The following NDUFB6 variants were observed in gnomAD, a reference collection of about 807,000 sequenced individuals.
NDUFB6 encodes NADH dehydrogenase [ubiquinone] 1 beta subcomplex subunit 6.
A neutral mutation model predicts 17.5 loss-of-function variants in NDUFB6; 23 were observed. That is an observed-to-expected ratio of 1.31 (90% CI 0.94 to 1.86). The LOEUF (loss-of-function observed/expected upper bound fraction) is 1.86, where lower values mean the gene tolerates loss of function less well. Ranked by LOEUF, NDUFB6 falls within the 40% of genes most tolerant of loss-of-function variation. The probability of loss-of-function intolerance (pLI) is 0.00; values close to 1 mark genes in which losing one functional copy is unlikely to be tolerated. For synonymous variants in NDUFB6, 60 were observed against 53.5 expected (o/e 1.12, Z -0.53); for missense variants, 167 against 153.8 (o/e 1.09, Z -0.46).
chr9:32,562,905 G>A (rs751498162), intron 2 of NDUFB6, among the ~76,000 whole-genome samples: 2 of 152,156 alleles, frequency 1.3e-5, no homozygotes, highest in Non-Finnish European at 2.9e-5. Flanking sequence ...ATGCAATTAT[G>A]CCTATTAATG....
At position 32,553,148 on chromosome 9, in the gene NDUFB6, G is replaced by A; in HGVS notation, c.*728C>T. The A allele has an allele frequency of 4.9e-6, 2 of 405,940 alleles. No individual in the cohort carries two copies. The highest frequency in any genetic ancestry group is 5.1e-5 in the South Asian group (1 of 19,626). The allele number at this position is 405,940 out of a possible 1,614,324, so 25.1% of individuals were successfully genotyped here. ...AGTCTTGAGTGTCAGATCATAGTTG[G>A]AATAAGCTTTTCAATCAAGTTTCTA... On this transcript the variant is annotated 3_prime_UTR_variant, in exon 4 of 4. Coordinates refer to ENST00000379847, the MANE Select transcript of NDUFB6 (RefSeq NM_002493.5).
At chr9:32,572,636 C>G (rs1194871219) in intron 1 of NDUFB6, among the ~76,000 whole-genome samples, 1 of 152,140 alleles carries the variant, frequency 6.6e-6, no homozygotes, top group African/African-American at 2.4e-5. Context: ...TCCTGGAAAA[C>G]CTAAGTATTA....
At chr9:32,572,029 G>T (rs1293646065) in intron 1 of NDUFB6, among the ~76,000 whole-genome samples, 1 of 152,118 alleles carries the variant, frequency 6.6e-6, no homozygotes, top group African/African-American at 2.4e-5. Context: ...AGCTTTGTAG[G>T]CCTCAGTTTC....
At position 32,558,926 on chromosome 9, in the gene NDUFB6, T is replaced by C. The variant is rs749058743; in HGVS notation, c.302A>G (p.Lys101Arg). Residue 101 changes from lysine to arginine, a missense_variant, in exon 3 of 4, where the codon AAG becomes AGG. Transcript: ENST00000379847. Reference protein sequence around the residue: ...SEKPYGIVEKKSRIFPGDTIL... With the variant: ...SEKPYGIVEKRSRIFPGDTIL... Reference sequence around the variant, plus strand: ...AAGACTTACAGGGAATATTCTGGACTTCTTTTCAACTATGCCATATGGTTT... The same window carrying C: ...AAGACTTACAGGGAATATTCTGGACCTCTTTTCAACTATGCCATATGGTTT... 2 of 1,584,994 alleles carry C rather than the reference T, an allele frequency of 1.3e-6. No homozygotes were observed. Among genetic ancestry groups the C allele is most frequent in the Non-Finnish European group, 1.7e-6 (2 of 1,156,538 alleles).
intron 2 of NDUFB6, chr9:32,565,741 G>A (rs976341661): frequency 6.5e-5 from 10 of 153,810 alleles, no homozygotes; most frequent in African/African-American, 1.9e-4. Context: ...GTAGGCCGAG[G>A]CAGGTGGATC....
In NDUFB6 at chr9:32,566,552, G is replaced by A. The variant is rs988363097; in HGVS notation, c.273+4408C>T. 41 of 775,298 alleles carry A rather than the reference G, an allele frequency of 5.3e-5. No homozygotes were observed. In the Middle Eastern group the frequency reaches 7.5e-4, roughly 14 times the overall value. The allele number at this position is 775,298 out of a possible 1,614,324, so 48.0% of individuals were successfully genotyped here. A position where few individuals can be genotyped will look rare whatever the true frequency, so the allele number is the denominator to read the frequency against. ...TTGGCTCCTCTGTTGTATAGCTGCC[G>A]TCGTACTGCACAGACTGGAGCTTCT... On this transcript the variant is annotated intron_variant, in intron 2 of 3. Transcript: ENST00000379847.
At chr9:32,557,216 G>C (rs1802459758) in intron 3 of NDUFB6, among the ~76,000 whole-genome samples, 1 of 147,474 alleles carries the variant, frequency 6.8e-6, no homozygotes, top group Non-Finnish European at 1.5e-5. Context: ...CCAGGCTGGA[G>C]TGCAGTGGCG....
chr9:32,563,873 G>A (rs1821700760), intron 2 of NDUFB6, among the ~76,000 whole-genome samples: 1 of 152,176 alleles, frequency 6.6e-6, no homozygotes, highest in South Asian at 2.1e-4. Flanking sequence ...GTCCTTGCAA[G>A]CTGACTCTGT....
chr9:32,569,225 CT>C (rs1027241980), intron 2 of NDUFB6, among the ~76,000 whole-genome samples: 2 of 151,644 alleles, frequency 1.3e-5, no homozygotes, highest in Admixed American at 6.6e-5. Context: ...TTGTTTTTTT[CT>C]TTTTCTTTTT....
chr9:32,566,516 G>A (rs1320003178), intron 2 of NDUFB6: 9 of 771,648 alleles, frequency 1.2e-5, no homozygotes, highest in Non-Finnish European at 2.2e-5. Flanking sequence ...GTGCAGAGAC[G>A]GCTGCCACCC....
At chr9:32,560,520 C>G (rs1004079832) in intron 2 of NDUFB6, among the ~76,000 whole-genome samples, 8 of 152,150 alleles carry the variant, frequency 5.3e-5, no homozygotes, top group Non-Finnish European at 1.0e-4. Context: ...TTCTGTTGAT[C>G]AGAGTTTGTA....
chr9:32,572,858 G>C (rs769923524), intron 1 of NDUFB6, 23 bp downstream of exon 1: 1 of 1,536,798 alleles, frequency 6.5e-7, no homozygotes, highest in Non-Finnish European at 8.8e-7. Flanking sequence ...TGTTGGGGGG[G>C]ACCGGAGAGG....
intron 2 of NDUFB6, among the ~76,000 whole-genome samples, chr9:32,559,748 T>C (rs1359601427): frequency 2.0e-5 from 3 of 152,212 alleles, no homozygotes; most frequent in Admixed American, 6.5e-5. Flanking sequence ...GCTTAATTTT[T>C]CTTCTATAGA....
intron 2 of NDUFB6, among the ~76,000 whole-genome samples, chr9:32,565,970 C>T (rs1821773793): frequency 6.6e-6 from 1 of 151,766 alleles, no homozygotes; most frequent in African/African-American, 2.4e-5. Context: ...GAAACTCCAC[C>T]TACAAAAAAC....
intron 2 of NDUFB6, among the ~76,000 whole-genome samples, chr9:32,563,614 G>A (rs571236498): frequency 1.5e-4 from 23 of 151,694 alleles, no homozygotes; most frequent in African/African-American, 5.6e-4. Context: ...GTGAGCCACT[G>A]TGCCCAGACT....
intron 2 of NDUFB6, among the ~76,000 whole-genome samples, chr9:32,569,540 A>C (rs1402669316): frequency 6.6e-6 from 1 of 152,178 alleles, no homozygotes; most frequent in South Asian, 2.1e-4. Context: ...TTAAGGCAGC[A>C]TATCAACCTG....
chr9:32,566,101 T>C (rs1821779982), intron 2 of NDUFB6: 4 of 474,998 alleles, frequency 8.4e-6, no homozygotes, highest in African/African-American at 7.8e-5. Flanking sequence ...GTTAAAATTA[T>C]GCCCACGACA....
At chr9:32,559,931 A>G (rs754954956) in intron 2 of NDUFB6, among the ~76,000 whole-genome samples, 2 of 152,204 alleles carry the variant, frequency 1.3e-5, no homozygotes, top group Non-Finnish European at 2.9e-5. Flanking sequence ...TGTTGAATAC[A>G]TGTACTTTTT....
At chr9:32,565,833 A>G (rs1303022095) in intron 2 of NDUFB6, among the ~76,000 whole-genome samples, 1 of 152,106 alleles carries the variant, frequency 6.6e-6, no homozygotes, top group Non-Finnish European at 1.5e-5. Flanking sequence ...TTAGCCAGGC[A>G]TGGTGGCACA....
Sources: gnomAD v4.1 joint callset for allele counts (sites outside exome capture counted in the v4.1 genomes callset) on GRCh38, gnomAD v4.1.1 for gene constraint, MANE v1.5 for transcripts, NCBI Gene and HGNC (gene_info 2026-07-23, HGNC 2026-07-21) for gene names.